SGTB: variants seen among roughly 807,000 people sequenced by gnomAD.
SGTB encodes small glutamine rich tetratricopeptide repeat co-chaperone beta.
In SGTB, 19 loss-of-function variants were observed where a neutral mutation model predicts 43.9. That is an observed-to-expected ratio of 0.43 (90% CI 0.30 to 0.63). SGTB has a LOEUF of 0.63. Ranked by LOEUF, SGTB falls within the 30% of genes least tolerant of loss-of-function variation. The probability of loss-of-function intolerance (pLI) is 0.12; values close to 1 mark genes in which losing one functional copy is unlikely to be tolerated. For missense variants in SGTB, 304 were observed against 358.9 expected (o/e 0.85, Z 1.24); for synonymous variants, 116 against 117.3 (o/e 0.99, Z 0.07).
chr5:65,700,565 C>T (rs1044855232), intron 5 of SGTB, among the ~76,000 whole-genome samples: 1 of 151,336 alleles, frequency 6.6e-6, no homozygotes, highest in African/African-American at 2.4e-5. Flanking sequence ...CCTGTAGTCC[C>T]AGCCACTTGG....
chr5:65,690,938 GCATT>G (rs1356462022), intron 5 of SGTB, among the ~76,000 whole-genome samples: 1 of 152,182 alleles, frequency 6.6e-6, no homozygotes, highest in East Asian at 1.9e-4. Flanking sequence ...TTAGTGAGAT[GCATT>G]CAAAGACAAA....
chr5:65,707,708 C>T (rs1361516917), intron 4 of SGTB, among the ~76,000 whole-genome samples: 1 of 152,100 alleles, frequency 6.6e-6, no homozygotes, highest in South Asian at 2.1e-4. Context: ...GCTGGGATTA[C>T]AGGTGTAGAC....
chr5:65,719,485 C>T (rs973632248), intron 2 of SGTB, among the ~76,000 whole-genome samples: 21 of 152,024 alleles, frequency 1.4e-4, no homozygotes, highest in Admixed American at 1.4e-3. Context: ...CCCAGCTACT[C>T]AGGAGGCCGA....
chr5:65,685,011 G>C (rs1015698400), intron 6 of SGTB, among the ~76,000 whole-genome samples: 3 of 152,194 alleles, frequency 2.0e-5, no homozygotes, highest in African/African-American at 7.2e-5. Flanking sequence ...AGAGTCACCA[G>C]AGAGGGGGTA....
intron 8 of SGTB, among the ~76,000 whole-genome samples, chr5:65,672,947 C>T (rs1364522313): frequency 6.6e-6 from 1 of 152,140 alleles, no homozygotes; most frequent in African/African-American, 2.4e-5. Context: ...TCCTCAAGTC[C>T]CAGTCAGGAT....
chr5:65,716,032 A>T (rs1016942034), intron 2 of SGTB, among the ~76,000 whole-genome samples: 2 of 152,236 alleles, frequency 1.3e-5, no homozygotes, highest in Admixed American at 6.5e-5. Flanking sequence ...GGCCTCCCGA[A>T]GTACTGGGAT....
chr5:65,698,084 T>C (rs1480350934), intron 5 of SGTB, among the ~76,000 whole-genome samples: 1 of 152,180 alleles, frequency 6.6e-6, no homozygotes, highest in Non-Finnish European at 1.5e-5. Flanking sequence ...AGGAACTTCC[T>C]GGACATCTGA....
chr5:65,706,273 A>G (rs1455409443), intron 4 of SGTB, among the ~76,000 whole-genome samples: 1 of 152,196 alleles, frequency 6.6e-6, no homozygotes, highest in Non-Finnish European at 1.5e-5. Context: ...AGAAACAAAA[A>G]GTTTATATTA....
intron 2 of SGTB, among the ~76,000 whole-genome samples, chr5:65,720,081 C>CTTTTTTTTTTTTTTTT (rs11312137): frequency 8.0e-6 from 1 of 124,976 alleles, no homozygotes; most frequent in Non-Finnish European, 1.7e-5. Flanking sequence ...TTTTCTTTTT[C>CTTTTTTTTTTTTTTTT]TTTTTTTTTT....
intron 6 of SGTB, among the ~76,000 whole-genome samples, chr5:65,682,461 G>T (rs910873041): frequency 6.6e-6 from 1 of 152,220 alleles, no homozygotes; most frequent in Non-Finnish European, 1.5e-5. Flanking sequence ...CGGTTAGGAA[G>T]CTATTGCAGT....
intron 2 of SGTB, among the ~76,000 whole-genome samples, chr5:65,716,005 AGTG>A (rs1172674579): frequency 2.0e-5 from 3 of 152,220 alleles, no homozygotes; most frequent in Non-Finnish European, 4.4e-5. Context: ...CCCGACCTCA[AGTG>A]ATCCGCCCGC....
intron 6 of SGTB, among the ~76,000 whole-genome samples, chr5:65,682,313 G>C (rs1757412653): frequency 6.6e-6 from 1 of 152,240 alleles, no homozygotes; most frequent in Non-Finnish European, 1.5e-5. Flanking sequence ...CCAGATGATA[G>C]AGGACCATTG....
chr5:65,674,327 C>T (rs1757221939), intron 8 of SGTB, among the ~76,000 whole-genome samples: 1 of 152,114 alleles, frequency 6.6e-6, no homozygotes, highest in African/African-American at 2.4e-5. Flanking sequence ...GTGTTGGGAT[C>T]CTGTCACACT....
At chr5:65,708,435 C>T in intron 4 of SGTB, 54 bp downstream of exon 4, 1 of 1,472,360 alleles carries the variant, frequency 6.8e-7, no homozygotes, top group Non-Finnish European at 9.4e-7. Context: ...ACAGTAATTT[C>T]CTCCAGTTTC....
chr5:65,680,817 A>C, intron 6 of SGTB, 23 bp from the exon 7 acceptor site: 1 of 1,603,062 alleles, frequency 6.2e-7, no homozygotes, highest in Non-Finnish European at 8.5e-7. Flanking sequence ...GAATATAAGA[A>C]TATCAGATAT....
intron 5 of SGTB, among the ~76,000 whole-genome samples, chr5:65,696,085 G>GCTGTCACTAGCATTCTTATTACAATGGC (rs1368576376): frequency 6.6e-6 from 1 of 152,220 alleles, no homozygotes; most frequent in Non-Finnish European, 1.5e-5. Context: ...ACGGCTACGT[G>GCTGTCACTAGCATTCTTATTACAATGGC]CTGTCACTAG....
At chr5:65,711,026 G>A (rs979732009) in intron 3 of SGTB, among the ~76,000 whole-genome samples, 43 of 151,052 alleles carry the variant, frequency 2.8e-4, no homozygotes, top group African/African-American at 8.5e-4. Flanking sequence ...ATAGCCAGGC[G>A]TGGTGGCACG....
chr5:65,669,199 A>G lies in SGTB; in HGVS notation c.*1047T>C, dbSNP rs1757104388. 1 of 139,414 alleles carries G rather than the reference A, an allele frequency of 7.2e-6. No homozygotes were observed. The highest frequency in any genetic ancestry group is 2.4e-4 in the South Asian group (1 of 4,194). The allele number at this position is 139,414 out of a possible 1,614,324, so 8.6% of individuals were successfully genotyped here. On this transcript the variant is annotated 3_prime_UTR_variant, in exon 11 of 11. Transcript: ENST00000381007. The stretch of plus-strand genomic sequence containing the variant: ...TTATAAGACTGGCATGCCAAGCCAA[A>G]TTATCACAGAAGATTACATGAACAA...
intron 8 of SGTB, among the ~76,000 whole-genome samples, chr5:65,678,696 C>T (rs900161027): frequency 6.6e-6 from 1 of 152,138 alleles, no homozygotes; most frequent in African/African-American, 2.4e-5. Context: ...AGACTGCACA[C>T]TCACAACCAT....
Sources: allele counts gnomAD v4.1 joint callset (sites outside exome capture counted in the v4.1 genomes callset), GRCh38; gene constraint gnomAD v4.1.1; transcripts MANE v1.5; gene names NCBI Gene and HGNC (gene_info 2026-07-23, HGNC 2026-07-21).